SNX31: variants seen among roughly 807,000 people sequenced by gnomAD.
The protein encoded by SNX31 is sorting nexin 31.
SNX31 carries 58 observed loss-of-function variants against 65.4 expected under a neutral mutation model. The ratio of observed to expected loss-of-function variants is 0.89; its 90% CI spans 0.72 to 1.10. The LOEUF (loss-of-function observed/expected upper bound fraction) is 1.10, where lower values mean the gene tolerates loss of function less well. Among genes scored for constraint, SNX31 ranks in the 50% least tolerant of loss-of-function variants. SNX31 has a pLI of 0.00. For synonymous variants in SNX31, 181 were observed against 190.1 expected (o/e 0.95, Z 0.39); for missense variants, 523 against 529.7 (o/e 0.99, Z 0.12).
upstream of SNX31, among the ~76,000 whole-genome samples, chr8:100,654,520 A>G (rs1230356994): frequency 2.6e-5 from 4 of 152,142 alleles, no homozygotes; most frequent in Non-Finnish European, 4.4e-5. Flanking sequence ...ACTCTGGAAA[A>G]TCAAGAGTCC....
rs28579534 is a variant in SNX31, at chr8:100,642,037, C to A, written c.142-6026G>T. On this transcript the variant is annotated intron_variant, in intron 2 of 13. Transcript: ENST00000311812. ...GAGCTTGCAGTGAGCCGAGATCGCG[C>A]CACTGCACTCCAGCCTGGGCGACAG... is the stretch of plus-strand genomic sequence containing the variant. Among the ~76,000 whole-genome samples, 452 of 151,720 alleles carry A rather than the reference C, an allele frequency of 3.0e-3. 1 individual carries two copies. The highest frequency in any genetic ancestry group is 8.7e-3 in the African/African-American group (359 of 41,340).
chr8:100,631,362 G>A (rs1264907574), intron 3 of SNX31, among the ~76,000 whole-genome samples: 5 of 151,530 alleles, frequency 3.3e-5, no homozygotes, highest in Non-Finnish European at 7.4e-5. Flanking sequence ...CCTATATCCT[G>A]CGCTTCAGCT....
chr8:100,619,949 C>A (rs1427878099), intron 4 of SNX31: 6 of 152,110 alleles, frequency 3.9e-5, no homozygotes, highest in Non-Finnish European at 1.5e-5. Flanking sequence ...CGGGAAGTAA[C>A]CTCCTTTTTT....
intron 12 of SNX31, among the ~76,000 whole-genome samples, chr8:100,581,270 G>A (rs1267205533): frequency 6.8e-6 from 1 of 147,212 alleles, no homozygotes; most frequent in East Asian, 1.9e-4. Context: ...CTGCACTCCA[G>A]CCTGGGTGAC....
intron 4 of SNX31, among the ~76,000 whole-genome samples, chr8:100,628,178 G>A (rs1332491562): frequency 4.6e-5 from 7 of 152,334 alleles, no homozygotes; most frequent in Non-Finnish European, 7.3e-5. Context: ...GGGAGTCAGT[G>A]TGGCGATTCC....
At chr8:100,640,362 G>T (rs1181160934) in intron 2 of SNX31, among the ~76,000 whole-genome samples, 1 of 152,148 alleles carries the variant, frequency 6.6e-6, no homozygotes, top group African/African-American at 2.4e-5. Flanking sequence ...CTGACCTCAG[G>T]TGATCCACCC....
At chr8:100,598,260 T>C (rs905329914) in intron 9 of SNX31, among the ~76,000 whole-genome samples, 2 of 152,080 alleles carry the variant, frequency 1.3e-5, no homozygotes, top group African/African-American at 4.8e-5. Context: ...GTTGGGTCAG[T>C]GAGAAACATC....
rs143354991 is a variant in SNX31, at chr8:100,615,981, A to G, written c.432+1639T>C. Among the ~76,000 whole-genome samples the G allele has an allele frequency of 3.9e-3, 595 of 152,092 alleles. 1 individual carries two copies. The highest frequency in any genetic ancestry group is 0.013 in the African/African-American group (519 of 41,480). ...AGTAGAGATGTGGTCTCACTGTGTT[A>G]GCCAGAATGGTCTCGATCTCCTGAC... On this transcript the variant is annotated intron_variant, in intron 5 of 13. Transcript: ENST00000311812.
intron 3 of SNX31, among the ~76,000 whole-genome samples, chr8:100,634,349 T>A (rs760173137): frequency 6.6e-6 from 1 of 152,164 alleles, no homozygotes; most frequent in Non-Finnish European, 1.5e-5. Context: ...TCTCAAGGGC[T>A]TTCCTGTAAG....
At chr8:100,657,288 A>C (rs1285624005) in intron 1 of SNX31, among the ~76,000 whole-genome samples, 4 of 152,016 alleles carry the variant, frequency 2.6e-5, no homozygotes, top group Admixed American at 2.6e-4. Flanking sequence ...CCCTGTCTCT[A>C]CTAAAAATAC....
At chr8:100,655,671 T>C (rs1444947884) in intron 1 of SNX31, among the ~76,000 whole-genome samples, 1 of 152,222 alleles carries the variant, frequency 6.6e-6, no homozygotes, top group Non-Finnish European at 1.5e-5. Context: ...GTCTCGAGTA[T>C]GTCTTTATCA....
chr8:100,631,361 T>G (rs1818400595), intron 3 of SNX31, among the ~76,000 whole-genome samples: 1 of 152,016 alleles, frequency 6.6e-6, no homozygotes, highest in Non-Finnish European at 1.5e-5. Flanking sequence ...TCCTATATCC[T>G]GCGCTTCAGC....
At chr8:100,617,550 C>G in intron 5 of SNX31, 70 bp downstream of exon 5, 1 of 1,077,766 alleles carries the variant, frequency 9.3e-7, no homozygotes, top group Non-Finnish European at 1.4e-6. Context: ...TAACCGTATC[C>G]CATTCTCTGC....
chr8:100,655,019 C>G (rs946162454), intron 1 of SNX31, among the ~76,000 whole-genome samples: 1 of 152,098 alleles, frequency 6.6e-6, no homozygotes, highest in African/African-American at 2.4e-5. Context: ...TCTCAAAAAA[C>G]AAAACAAAAC....
rs1006117889 is a variant in SNX31 at position 100,657,131 on chromosome 8, C to T, written c.-58+6011G>A. Among the ~76,000 whole-genome samples, 3 of 151,816 alleles carry T rather than the reference C, an allele frequency of 2.0e-5. No homozygotes were observed. In the East Asian group the frequency reaches 5.8e-4, roughly 29 times the overall value. ...AATGAGGAGGGAAAGTGACACAAGA[C>T]TTGAATTAATCAGGCATGGGAAGTA... On this transcript the variant is annotated intron_variant, in intron 1 of 5. Transcript: ENST00000520352.
intron 5 of SNX31, among the ~76,000 whole-genome samples, chr8:100,616,870 A>T (rs528673346): frequency 6.6e-6 from 1 of 152,280 alleles, no homozygotes; most frequent in African/African-American, 2.4e-5. Flanking sequence ...AGGTCCTAGA[A>T]ACTTTCTGAC....
chr8:100,606,090 T>C (rs1391960778), intron 8 of SNX31, among the ~76,000 whole-genome samples: 2 of 152,024 alleles, frequency 1.3e-5, no homozygotes, highest in East Asian at 3.9e-4. Flanking sequence ...GACTGGAGTG[T>C]AATGGCGTGA....
At chr8:100,584,014 T>C (rs1467404976) in intron 12 of SNX31, 97 bp downstream of exon 12, 1 of 1,087,038 alleles carries the variant, frequency 9.2e-7, no homozygotes, top group East Asian at 2.8e-5. Flanking sequence ...GGACTAGACC[T>C]GCTGGCTCAG....
chr8:100,641,636 ATATATATATATATATATATATATG>A (rs1355114050), intron 2 of SNX31, among the ~76,000 whole-genome samples: 14 of 40,296 alleles, frequency 3.5e-4, no homozygotes, highest in African/African-American at 2.1e-3. Context: ...ATATATATAT[ATATATATATATATATATATATATG>A]TATGGTACTT....
Sources: gnomAD v4.1 joint callset for allele counts (sites outside exome capture counted in the v4.1 genomes callset) on GRCh38, gnomAD v4.1.1 for gene constraint, MANE v1.5 for transcripts, NCBI Gene and HGNC (gene_info 2026-07-23, HGNC 2026-07-21) for gene names.